The following NLRP2 variants were observed in gnomAD, a reference collection of about 807,000 sequenced individuals.
The protein encoded by NLRP2 is NLR family pyrin domain containing 2.
NLRP2 carries 107 observed loss-of-function variants against 97.2 expected under a neutral mutation model. That is an observed-to-expected ratio of 1.10 (90% CI 0.94 to 1.29). NLRP2 has a LOEUF of 1.29. Ranked by LOEUF, NLRP2 falls within the 50% of genes most tolerant of loss-of-function variation. The pLI is 0.00. For missense variants in NLRP2, 1,495 were observed against 1,330.3 expected, an observed-to-expected ratio of 1.12 and a Z score of -1.93; for synonymous variants, 663 against 551.5, an observed-to-expected ratio of 1.20 and a Z score of -2.83.
chr19:54,997,665 G>C (rs2072908829), intron 12 of NLRP2, among the ~76,000 whole-genome samples, 178 bp downstream of exon 12: 1 of 151,986 alleles, frequency 6.6e-6, no homozygotes, highest in Non-Finnish European at 1.5e-5. Context: ...ATGTTGGTCA[G>C]GCTGGTCTCA....
rs749628445 is a variant in NLRP2 at position 54,982,706 on chromosome 19, G to C, written c.1008G>C (p.Thr336=). 8.7e-6 allele frequency: 14 copies of C among 1,613,942 alleles called. No homozygotes were observed. The highest frequency in any genetic ancestry group is 1.2e-5 in the Non-Finnish European group (14 of 1,180,000). ...MLPKAALLVT[T]RPRALRDLRI... ...CCAAGGCCGCCCTGCTGGTCACCAC[G>C]CGGCCCAGGGCCCTGAGGGACCTCC... is the stretch of plus-strand genomic sequence containing the variant. The change falls in exon 6 of 13, where the codon ACG becomes ACC. Residue 336 remains threonine (T), a synonymous_variant. Transcript: ENST00000448584.
At chr19:54,987,150 C>G (rs2072151431) in intron 8 of NLRP2, among the ~76,000 whole-genome samples, 1 of 150,614 alleles carries the variant, frequency 6.6e-6, no homozygotes, top group South Asian at 2.1e-4. Flanking sequence ...CCACCCCACC[C>G]CGCCGTCGGC....
intron 11 of NLRP2, 31 bp downstream of exon 11, chr19:54,994,470 A>G (rs963959300): frequency 2.4e-5 from 39 of 1,607,558 alleles, no homozygotes; most frequent in Non-Finnish European, 3.3e-5. Context: ...AACTTCCTAT[A>G]CTTACACCTT....
intron 4 of NLRP2, among the ~76,000 whole-genome samples, chr19:54,978,878 T>G (rs1251005223): frequency 6.6e-6 from 1 of 151,286 alleles, no homozygotes; most frequent in Non-Finnish European, 1.5e-5. Flanking sequence ...CAGGCATAAA[T>G]GTATTTATGG....
intron 2 of NLRP2, among the ~76,000 whole-genome samples, chr19:54,972,289 C>G (rs544433317): frequency 6.6e-6 from 1 of 152,132 alleles, no homozygotes; most frequent in Non-Finnish European, 1.5e-5. Context: ...TCAAGTGTTT[C>G]TCCTGCATCA....
chr19:54,987,252 T>C (rs567160015), intron 8 of NLRP2, among the ~76,000 whole-genome samples: 1 of 152,132 alleles, frequency 6.6e-6, no homozygotes, highest in Admixed American at 6.6e-5. Context: ...TTCTCCTGTA[T>C]GATGATTCAG....
In NLRP2 at chr19:54,994,305, C is replaced by T. The variant is rs556462659; in HGVS notation, c.2745C>T (p.Cys915=). 2.2e-5 allele frequency: 35 copies of T among 1,614,096 alleles called. No individual in the cohort carries two copies. Among genetic ancestry groups the T allele is most frequent in the Middle Eastern group, 1.7e-4 (1 of 6,050 alleles). The change falls in exon 11 of 13, where the codon TGC becomes TGT. Residue 915 remains cysteine, a synonymous_variant. Coordinates refer to ENST00000448584, the MANE Select transcript of NLRP2 (RefSeq NM_017852.5). ...WNCDITSDGC[C]DLTKLLQEKS... ...GCGACATAACTAGCGATGGCTGCTG[C>T]GATCTCACAAAGCTTCTCCAAGAAA...
At position 54,982,706 on chromosome 19, in the gene NLRP2, G is replaced by A. The variant is rs749628445; in HGVS notation, c.1008G>A (p.Thr336=). The A allele has an allele frequency of 5.0e-5, 81 of 1,613,942 alleles. No individual in the cohort carries two copies. The East Asian group carries it at 1.2e-3, about 24-fold the overall frequency. ...CCAAGGCCGCCCTGCTGGTCACCAC[G>A]CGGCCCAGGGCCCTGAGGGACCTCC... ...MLPKAALLVT[T]RPRALRDLRI... Residue 336 remains threonine, a synonymous_variant, in exon 6 of 13, where the codon ACG becomes ACA. Transcript: ENST00000448584.
In NLRP2 at chr19:55,000,270, C is replaced by CTTTTTTTTTTT. The variant is rs1157138794; in HGVS notation, c.3051-461_3051-451dup. 9.2e-4 allele frequency among the ~76,000 whole-genome samples: 33 copies of CTTTTTTTTTTT among 36,026 alleles called. 10 individuals are homozygous for CTTTTTTTTTTT. Among genetic ancestry groups the CTTTTTTTTTTT allele is most frequent in the Admixed American group, 1.4e-3 (3 of 2,076 alleles). 23.6% of individuals were successfully genotyped at this position (36,026 alleles called of 152,430 possible). A position where few individuals can be genotyped will look rare whatever the true frequency, so the allele number is the denominator to read the frequency against. ...CCAGCTTGGGCAACAGAGAGACTGT[C>CTTTTTTTTTTT]TTTTTTTTTTTTTTTTTTTTTTTTT... On this transcript the variant is annotated intron_variant, in intron 12 of 12. Coordinates refer to ENST00000448584, the MANE Select transcript of NLRP2 (RefSeq NM_017852.5).
intron 12 of NLRP2, 141 bp downstream of exon 12, chr19:54,997,628 T>C (rs1182981757): frequency 1.1e-6 from 1 of 905,084 alleles, no homozygotes; most frequent in African/African-American, 1.6e-5. Flanking sequence ...AATTTCTGTA[T>C]TTCACTTGGA....
At chr19:54,986,732 G>A (rs768034374) in intron 8 of NLRP2, among the ~76,000 whole-genome samples, 4 of 152,034 alleles carry the variant, frequency 2.6e-5, no homozygotes, top group Admixed American at 6.6e-5. Flanking sequence ...TGTGCATTTA[G>A]TGGAGCTGGT....
chr19:54,990,900 G>GTT lies in NLRP2; in HGVS notation c.2708+237_2708+238dup, dbSNP rs34990862. ...TTTGGGGAATGTAGCTGGTTTTCGG[G>GTT]TTTTTTTTTTCCTCTTTATGTATGT... On this transcript the variant is annotated intron_variant, in intron 10 of 12. Coordinates refer to ENST00000448584, the MANE Select transcript of NLRP2 (RefSeq NM_017852.5). 4,313 of 517,914 alleles carry GTT rather than the reference G, an allele frequency of 8.3e-3. 1 individual carries two copies. Among genetic ancestry groups the GTT allele is most frequent in the Middle Eastern group, 0.011 (20 of 1,840 alleles). 32.1% of individuals were successfully genotyped at this position (517,914 alleles called of 1,614,324 possible).
In NLRP2 at chr19:55,000,901, C is replaced by A; in HGVS notation, c.*3C>A. The stretch of plus-strand genomic sequence containing the variant: ...CTTCTCATGACTTCATGATCTGAAT[C>A]CCCCCGAGTCATTCATTCTCCATGA... On this transcript the variant is annotated 3_prime_UTR_variant, in exon 13 of 13. Coordinates refer to ENST00000448584, the MANE Select transcript of NLRP2 (RefSeq NM_017852.5). 6.2e-7 allele frequency: 1 copy of A among 1,612,974 alleles called. No homozygotes were observed. Among genetic ancestry groups the A allele is most frequent in the Non-Finnish European group, 8.5e-7 (1 of 1,179,208 alleles).
chr19:54,966,626 A>C (rs1394877534), intron 1 of NLRP2, among the ~76,000 whole-genome samples, 159 bp downstream of exon 1: 2 of 149,272 alleles, frequency 1.3e-5, no homozygotes, highest in East Asian at 2.0e-4. Flanking sequence ...GCTCACTGCA[A>C]GCTCCGCCTC....
chr19:54,992,205 G>A lies in NLRP2; in HGVS notation c.2708+1533G>A, dbSNP rs187014307. On this transcript the variant is annotated intron_variant, in intron 10 of 12. Coordinates refer to ENST00000448584, the MANE Select transcript of NLRP2 (RefSeq NM_017852.5). Reference sequence around the variant, plus strand: ...AGGATTTACAGGCATGAGCCACTGCGTCCAGCCATACATATCTCTGGTATT... The same window carrying A: ...AGGATTTACAGGCATGAGCCACTGCATCCAGCCATACATATCTCTGGTATT... 1.3e-3 allele frequency among the ~76,000 whole-genome samples: 191 copies of A among 152,004 alleles called. 1 individual carries two copies. Among genetic ancestry groups the A allele is most frequent in the African/African-American group, 4.5e-3 (185 of 41,458 alleles).
chr19:54,995,422 C>A (rs1240182234), intron 11 of NLRP2, among the ~76,000 whole-genome samples: 1 of 151,540 alleles, frequency 6.6e-6, no homozygotes, highest in Non-Finnish European at 1.5e-5. Context: ...GACCTCCGGA[C>A]CTCAGGTGAG....
rs568407388 is a variant in NLRP2 at position 54,985,306 on chromosome 19, T to C, written c.2201+89T>C. 5.1e-5 allele frequency: 65 copies of C among 1,266,142 alleles called. No homozygotes were observed. In the South Asian group the frequency reaches 7.4e-4, roughly 14 times the overall value. The allele number at this position is 1,266,142 out of a possible 1,614,324, so 78.4% of individuals were successfully genotyped here. A position where few individuals can be genotyped will look rare whatever the true frequency, so the allele number is the denominator to read the frequency against. On this transcript the variant is annotated intron_variant, in intron 7 of 12. Coordinates refer to ENST00000448584, the MANE Select transcript of NLRP2 (RefSeq NM_017852.5). ...CGGAGCAATATTCAGATTCCTGTAC[T>C]AGACTCTTAAGTGCTCGAGACACAG... is the stretch of plus-strand genomic sequence containing the variant.
In NLRP2 at chr19:54,997,894, G is replaced by A. The variant is rs73612056; in HGVS notation, c.3050+407G>A. Among the ~76,000 whole-genome samples the A allele has an allele frequency of 8.6e-3, 1,310 of 151,522 alleles. 13 individuals are homozygous for A. The highest frequency in any genetic ancestry group is 0.031 in the African/African-American group (1,259 of 41,268). ...CCTGCCTCAGTTCCTGAGTAGGTAG[G>A]TTTATAAGCATGAACCATTGCACCC... On this transcript the variant is annotated intron_variant, in intron 12 of 12. Transcript: ENST00000448584.
At chr19:54,984,329 G>GTGTGTGTGTTTTTTTTTTTT in intron 6 of NLRP2, among the ~76,000 whole-genome samples, 1 of 79,670 alleles carries the variant, frequency 1.3e-5, no homozygotes, top group African/African-American at 4.6e-5. Flanking sequence ...TTTTTTTTGT[G>GTGTGTGTGTTTTTTTTTTTT]TTTTTTTTTT....
Sources: gnomAD v4.1 joint callset for allele counts (sites outside exome capture counted in the v4.1 genomes callset) on GRCh38, gnomAD v4.1.1 for gene constraint, MANE v1.5 for transcripts, NCBI Gene and HGNC (gene_info 2026-07-23, HGNC 2026-07-21) for gene names.